Variants in RABGAP1L observed in about 807,000 individuals in gnomAD.
RABGAP1L encodes the protein rab GTPase-activating protein 1-like.
Under a neutral mutation model 137.7 loss-of-function variants are expected in RABGAP1L, and 63 were observed. The ratio of observed to expected loss-of-function variants is 0.46; its 90% CI spans 0.37 to 0.56. RABGAP1L has a LOEUF of 0.56. Among genes scored for constraint, RABGAP1L ranks in the 20% least tolerant of loss-of-function variants. The pLI is 0.00. For synonymous variants in RABGAP1L, 431 were observed against 433.7 expected, an observed-to-expected ratio of 0.99 and a Z score of 0.08; for missense variants, 1,095 against 1,244.0, an observed-to-expected ratio of 0.88 and a Z score of 1.80.
chr1:174,394,014 C>A lies in RABGAP1L; in HGVS notation c.1579C>A (p.Arg527=), dbSNP rs1462676250. Residue 527 remains arginine (R), a synonymous_variant, in exon 13 of 26, where the codon CGA becomes AGA. Coordinates refer to ENST00000681986, the MANE Select transcript of RABGAP1L (RefSeq NM_001366446.1). ...LGKWHSNLGA[R]PKGLSTLVKS... ...TCTCAGGCACAGTAACCTTGGTGCA[C>A]GACCGAAAGGGCTGTCTACTCTGGT... 2 of 1,613,008 alleles carry A rather than the reference C, an allele frequency of 1.2e-6. No homozygotes were observed. The highest frequency in any genetic ancestry group is 1.7e-5 in the Admixed American group (1 of 59,828).
At chr1:174,868,051 C>T (rs137979316) in intron 19 of RABGAP1L, among the ~76,000 whole-genome samples, 28 of 152,192 alleles carry the variant, frequency 1.8e-4, no homozygotes, top group South Asian at 4.1e-4. Flanking sequence ...CCGCAGCCTC[C>T]GCCGCCTGGG....
intron 13 of RABGAP1L, among the ~76,000 whole-genome samples, 186 bp from the exon 14 acceptor site, chr1:174,637,189 G>A (rs1418051327): frequency 6.6e-6 from 1 of 152,176 alleles, no homozygotes; most frequent in East Asian, 1.9e-4. Flanking sequence ...TGGGTGAAAA[G>A]ATACAAAGGA....
chr1:174,370,700 G>A (rs1209025796), intron 11 of RABGAP1L, among the ~76,000 whole-genome samples: 1 of 149,230 alleles, frequency 6.7e-6, no homozygotes, highest in Non-Finnish European at 1.5e-5. Flanking sequence ...GCTACCATTA[G>A]CCTTTAAACA....
At chr1:174,795,414 C>G (rs958886670) in intron 18 of RABGAP1L, among the ~76,000 whole-genome samples, 1 of 152,118 alleles carries the variant, frequency 6.6e-6, no homozygotes, top group Non-Finnish European at 1.5e-5. Flanking sequence ...TACAAACAAA[C>G]CTTATTAACT....
chr1:174,703,090 A>G (rs1679780466), intron 17 of RABGAP1L, among the ~76,000 whole-genome samples: 1 of 152,162 alleles, frequency 6.6e-6, no homozygotes. Flanking sequence ...TTGTATTACT[A>G]TGCTTCTTAA....
intron 21 of RABGAP1L, 30 bp from the exon 22 acceptor site, chr1:174,976,038 ATGACTGTGAT>A: frequency 1.1e-6 from 1 of 937,082 alleles, no homozygotes. Context: ...TACCCTCTGT[ATGACTGTGAT>A]GTATGACTGT....
rs758067577 is a variant in RABGAP1L at position 174,637,621 on chromosome 1, A to G, written c.1824+133A>G. On this transcript the variant is annotated intron_variant, in intron 14 of 25. Coordinates refer to ENST00000681986, the MANE Select transcript of RABGAP1L (RefSeq NM_001366446.1). ...ATGTTTTCTGCTTTGCACACACGCT[A>G]TGAGATCCTCAGTACTGATCCCAGA... is the stretch of plus-strand genomic sequence containing the variant. The G allele has an allele frequency of 1.5e-4, 102 of 669,132 alleles. No individual in the cohort carries two copies. The highest frequency in any genetic ancestry group is 2.0e-4 in the Non-Finnish European group (75 of 382,444). The allele number at this position is 669,132 out of a possible 1,614,324, so 41.4% of individuals were successfully genotyped here.
chr1:174,797,634 T>TG (rs1211224750), intron 18 of RABGAP1L, among the ~76,000 whole-genome samples: 1 of 42,054 alleles, frequency 2.4e-5, no homozygotes, highest in Non-Finnish European at 4.4e-5. Flanking sequence ...TGTGGGTGTG[T>TG]GGGGGGGTGT....
chr1:174,620,534 G>A (rs1365048192), intron 13 of RABGAP1L, among the ~76,000 whole-genome samples: 3 of 152,008 alleles, frequency 2.0e-5, no homozygotes, highest in Non-Finnish European at 4.4e-5. Flanking sequence ...CTGAATGACT[G>A]CCAGGTACAT....
chr1:174,783,954 C>T (rs576156672), intron 18 of RABGAP1L, among the ~76,000 whole-genome samples: 11 of 150,178 alleles, frequency 7.3e-5, no homozygotes, highest in South Asian at 2.1e-4. Flanking sequence ...ATGATCCTCC[C>T]GCCTCGCCCT....
intron 19 of RABGAP1L, among the ~76,000 whole-genome samples, chr1:174,840,336 C>T (rs1343359472): frequency 6.6e-6 from 1 of 152,124 alleles, no homozygotes; most frequent in African/African-American, 2.4e-5. Context: ...AAGATATATG[C>T]ACAACTCCAG....
At chr1:174,304,717 G>GA (rs1437047378) in intron 10 of RABGAP1L, among the ~76,000 whole-genome samples, 2 of 151,998 alleles carry the variant, frequency 1.3e-5, no homozygotes, top group Non-Finnish European at 1.5e-5. Context: ...TGGTGTCTCA[G>GA]GTTTTTCTGA....
chr1:174,549,428 G>A (rs912894396), intron 13 of RABGAP1L, among the ~76,000 whole-genome samples: 8 of 152,158 alleles, frequency 5.3e-5, no homozygotes, highest in African/African-American at 1.9e-4. Context: ...TAAAGGGGGA[G>A]ACTGGATTTT....
intron 11 of RABGAP1L, among the ~76,000 whole-genome samples, chr1:174,366,615 TAAA>T (rs200810179): frequency 6.8e-6 from 1 of 147,122 alleles, no homozygotes; most frequent in African/African-American, 2.5e-5. Context: ...ACTAAAAATA[TAAA>T]AAAAAAATTA....
At chr1:174,437,271 G>T (rs1044786830) in intron 13 of RABGAP1L, among the ~76,000 whole-genome samples, 2 of 152,092 alleles carry the variant, frequency 1.3e-5, no homozygotes, top group Non-Finnish European at 2.9e-5. Context: ...AAACTACTCC[G>T]AGCTAAAGGA....
chr1:174,920,324 G>A (rs1007476291), intron 19 of RABGAP1L, among the ~76,000 whole-genome samples: 1 of 152,170 alleles, frequency 6.6e-6, no homozygotes, highest in Admixed American at 6.5e-5. Context: ...ATGGCAGCAG[G>A]CAAAGAGAGA....
In RABGAP1L at chr1:174,221,994, A is replaced by AT. The variant is rs561413366; in HGVS notation, c.331+846dup. ...GGGTGTGTACCACCATGCCTAGCTA[A>AT]TTTTTTTTTTTTTTTTGTAGTGATG... On this transcript the variant is annotated intron_variant, in intron 3 of 25. Coordinates refer to ENST00000681986, the MANE Select transcript of RABGAP1L (RefSeq NM_001366446.1). Among the ~76,000 whole-genome samples the AT allele has an allele frequency of 6.2e-3, 890 of 144,280 alleles. 5 individuals carry two copies. Among genetic ancestry groups the AT allele is most frequent in the South Asian group, 0.02 (91 of 4,480 alleles). 94.7% of individuals were successfully genotyped at this position (144,280 alleles called of 152,430 possible).
In RABGAP1L at chr1:174,789,693, C is replaced by T. The variant is rs1261516490; in HGVS notation, c.2212-22139C>T. Among the ~76,000 whole-genome samples the T allele has an allele frequency of 5.9e-5, 9 of 152,174 alleles. No homozygotes were observed. In the East Asian group the frequency reaches 9.7e-4, roughly 16 times the overall value. On this transcript the variant is annotated intron_variant, in intron 18 of 25. Coordinates refer to ENST00000681986, the MANE Select transcript of RABGAP1L (RefSeq NM_001366446.1). ...AATCTGTAAATGTGTCAAGGGGTCA[C>T]TGTGGTTGACTCTTGGTTGCTAAAG...
At chr1:174,947,617 A>C (rs1360804329) in intron 19 of RABGAP1L, among the ~76,000 whole-genome samples, 2 of 151,550 alleles carry the variant, frequency 1.3e-5, no homozygotes, top group African/African-American at 4.9e-5. Context: ...ATGGGGTTCC[A>C]CCATGTTGGC....
Sources: allele counts gnomAD v4.1 joint callset (sites outside exome capture counted in the v4.1 genomes callset), GRCh38; gene constraint gnomAD v4.1.1; transcripts MANE v1.5; gene names NCBI Gene and HGNC (gene_info 2026-07-23, HGNC 2026-07-21).